The following ZFHX3 variants were observed in gnomAD, a reference collection of about 807,000 sequenced individuals.
ZFHX3 encodes zinc finger homeobox 3, also known as zinc finger homeobox protein 3.
Under a neutral mutation model 279.1 loss-of-function variants are expected in ZFHX3, and 42 were observed. The ratio of observed to expected loss-of-function variants is 0.15; its 90% CI spans 0.12 to 0.19. The LOEUF is 0.19. ZFHX3 is among the 10% of genes least tolerant of loss of function. The probability of loss-of-function intolerance (pLI) is 1.00; values close to 1 mark genes in which losing one functional copy is unlikely to be tolerated. For missense variants in ZFHX3, 4,981 were observed against 4,754.0 expected, an observed-to-expected ratio of 1.05 and a Z score of -1.40; for synonymous variants, 2,293 against 1,957.8, an observed-to-expected ratio of 1.17 and a Z score of -4.52.
chr16:73,551,010 A>T lies in ZFHX3; in HGVS notation c.-1546-94752T>A, dbSNP rs549690507. ...TAACAAAAACCAAGTCTTTGTTAAC[A>T]TTCAAAGGGTGAATTAATAATCATT... is the stretch of plus-strand genomic sequence containing the variant. On this transcript the variant is annotated intron_variant, in intron 2 of 17. Coordinates refer to the ZFHX3 transcript ENST00000641206. Among the ~76,000 whole-genome samples, 26 of 152,360 alleles carry T rather than the reference A, an allele frequency of 1.7e-4. No individual in the cohort carries two copies. The South Asian group carries it at 5.0e-3, about 29-fold the overall frequency.
chr16:73,504,841 G>A (rs1296513495), intron 2 of ZFHX3: 1 of 152,280 alleles, frequency 6.6e-6, no homozygotes, highest in East Asian at 1.9e-4. Context: ...GGAGGTGGTA[G>A]GGGAAGAGGA....
chr16:73,757,926 G>T (rs752121826), intron 1 of ZFHX3, among the ~76,000 whole-genome samples: 10 of 152,144 alleles, frequency 6.6e-5, no homozygotes, highest in Admixed American at 3.3e-4. Context: ...TAAAGCTTCA[G>T]GTAAGCAACT....
intron 9 of ZFHX3, chr16:72,791,075 C>T (rs1191599698): frequency 6.6e-6 from 1 of 152,146 alleles, no homozygotes; most frequent in Non-Finnish European, 1.5e-5. Flanking sequence ...ACTTCATCCC[C>T]CCTAGACTTA....
At chr16:73,853,417 G>T (rs1961638459) in intron 1 of ZFHX3, among the ~76,000 whole-genome samples, 1 of 152,102 alleles carries the variant, frequency 6.6e-6, no homozygotes, top group Admixed American at 6.5e-5. Flanking sequence ...GGACCTACGT[G>T]TTCATCAACC....
intron 5 of ZFHX3, among the ~76,000 whole-genome samples, chr16:73,236,937 A>G (rs1017797279): frequency 3.3e-5 from 5 of 152,224 alleles, no homozygotes; most frequent in African/African-American, 4.8e-5. Flanking sequence ...TGGTGAAGAC[A>G]GCAAGAAGGC....
chr16:73,862,100 C>A (rs1961896499), intron 1 of ZFHX3, among the ~76,000 whole-genome samples: 1 of 152,104 alleles, frequency 6.6e-6, no homozygotes, highest in Admixed American at 6.5e-5. Context: ...AAGTGCTGAG[C>A]ATTCATTTTG....
At chr16:73,408,869 C>T (rs1036551817) in intron 3 of ZFHX3, among the ~76,000 whole-genome samples, 5 of 151,964 alleles carry the variant, frequency 3.3e-5, no homozygotes, top group Admixed American at 6.5e-5. Flanking sequence ...GCGAGGCAAC[C>T]GAAGTTGTCC....
At chr16:73,215,718 G>A (rs1030619858) in intron 5 of ZFHX3, among the ~76,000 whole-genome samples, 4 of 152,178 alleles carry the variant, frequency 2.6e-5, no homozygotes, top group African/African-American at 7.2e-5. Context: ...AACTGATCAT[G>A]TCCTCTGTGT....
At chr16:73,152,077 C>A (rs1030747976) in intron 5 of ZFHX3, among the ~76,000 whole-genome samples, 8 of 152,046 alleles carry the variant, frequency 5.3e-5, no homozygotes, top group African/African-American at 9.7e-5. Flanking sequence ...CTCACTCCAA[C>A]AAGATATTTT....
At chr16:73,376,437 G>A (rs2016724741) in intron 3 of ZFHX3, among the ~76,000 whole-genome samples, 1 of 152,160 alleles carries the variant, frequency 6.6e-6, no homozygotes, top group African/African-American at 2.4e-5. Context: ...AGCCATGTCA[G>A]CAAGGCTTCT....
chr16:73,200,286 A>T (rs1000911889), intron 5 of ZFHX3, among the ~76,000 whole-genome samples: 1 of 152,168 alleles, frequency 6.6e-6, no homozygotes, highest in African/African-American at 2.4e-5. Context: ...GTTTATAATT[A>T]AAAAAATTAC....
At chr16:73,442,762 T>C (rs1007729583) in intron 3 of ZFHX3, among the ~76,000 whole-genome samples, 1 of 152,142 alleles carries the variant, frequency 6.6e-6, no homozygotes, top group Non-Finnish European at 1.5e-5. Context: ...GGGAGCACCA[T>C]GAGCGCAGGA....
intron 2 of ZFHX3, among the ~76,000 whole-genome samples, chr16:73,658,008 A>G (rs2052739872): frequency 6.6e-6 from 1 of 152,256 alleles, no homozygotes; most frequent in Admixed American, 6.5e-5. Flanking sequence ...TGTAAGTCAG[A>G]AGACAAATTA....
intron 4 of ZFHX3, among the ~76,000 whole-genome samples, chr16:72,869,360 A>T (rs536081470): frequency 1.3e-5 from 2 of 150,058 alleles, no homozygotes; most frequent in East Asian, 2.0e-4. Context: ...ATAGCAGAAC[A>T]CACTGATGAG....
chr16:73,105,458 T>TA (rs1396464674), intron 7 of ZFHX3, among the ~76,000 whole-genome samples: 122 of 63,504 alleles, frequency 1.9e-3, no homozygotes, highest in African/African-American at 7.0e-3. Flanking sequence ...TATATATATA[T>TA]TTTTTCCCCC....
chr16:73,587,346 C>T (rs868096133), intron 2 of ZFHX3, among the ~76,000 whole-genome samples: 1 of 152,062 alleles, frequency 6.6e-6, no homozygotes. Context: ...CAGAGGGAAC[C>T]ATAACTAGTG....
At chr16:73,781,724 C>T (rs538683555) in intron 1 of ZFHX3, among the ~76,000 whole-genome samples, 4 of 152,168 alleles carry the variant, frequency 2.6e-5, no homozygotes, top group East Asian at 1.9e-4. Context: ...CGTGGTGGCG[C>T]ATGCCTGTAA....
intron 5 of ZFHX3, among the ~76,000 whole-genome samples, chr16:73,170,167 T>C (rs993918449): frequency 2.0e-5 from 3 of 151,680 alleles, no homozygotes; most frequent in African/African-American, 7.3e-5. Flanking sequence ...GTCCATAAAT[T>C]GTTCATTTAC....
intron 4 of ZFHX3, among the ~76,000 whole-genome samples, chr16:73,266,709 A>C (rs1597252279): frequency 6.6e-6 from 1 of 152,258 alleles, no homozygotes; most frequent in East Asian, 1.9e-4. Flanking sequence ...CTGGGAATGG[A>C]GCTTTTCTGT....
Sources: gnomAD v4.1 joint callset for allele counts (sites outside exome capture counted in the v4.1 genomes callset) on GRCh38, gnomAD v4.1.1 for gene constraint, MANE v1.5 for transcripts, NCBI Gene and HGNC (gene_info 2026-07-23, HGNC 2026-07-21) for gene names.